SH3TC2: variants seen among roughly 807,000 people sequenced by gnomAD.
The protein encoded by SH3TC2 is SH3 domain and tetratricopeptide repeats 2.
In SH3TC2, 87 loss-of-function variants were observed where a neutral mutation model predicts 124.5. The observed-to-expected ratio is 0.70, with a 90% confidence interval of 0.59 to 0.84. SH3TC2 has a LOEUF of 0.84. SH3TC2 is among the 40% of genes least tolerant of loss of function. The pLI, the probability that SH3TC2 is intolerant of heterozygous loss-of-function variation, is 0.00. For synonymous variants in SH3TC2, 634 were observed against 628.5 expected (o/e 1.01, Z -0.13); for missense variants, 1,536 against 1,566.4 (o/e 0.98, Z 0.33).
At chr5:149,037,035 A>G (rs1754294448) in intron 8 of SH3TC2, among the ~76,000 whole-genome samples, 1 of 152,144 alleles carries the variant, frequency 6.6e-6, no homozygotes, top group Admixed American at 6.5e-5. Flanking sequence ...CCTTGCTCAG[A>G]GACATGCAGT....
chr5:149,035,655 C>T (rs1754271570), intron 8 of SH3TC2: 1 of 152,296 alleles, frequency 6.6e-6, no homozygotes, highest in Non-Finnish European at 1.5e-5. Flanking sequence ...TGCCACCCCT[C>T]CCTGTTTTCT....
chr5:149,061,186 A>G (rs557646791), intron 1 of SH3TC2, among the ~76,000 whole-genome samples: 1 of 152,214 alleles, frequency 6.6e-6, no homozygotes, highest in Non-Finnish European at 1.5e-5. Flanking sequence ...GAATAAAGTA[A>G]TTGAATGATA....
intron 8 of SH3TC2, 134 bp downstream of exon 8, chr5:149,038,161 G>T: frequency 1.4e-6 from 1 of 736,596 alleles, no homozygotes; most frequent in Non-Finnish European, 2.4e-6. Flanking sequence ...TATCAACCTT[G>T]GTGTCAGCAT....
At chr5:149,004,972 G>T in intron 16 of SH3TC2, 70 bp from the exon 17 acceptor site, 1 of 1,567,816 alleles carries the variant, frequency 6.4e-7, no homozygotes, top group South Asian at 1.1e-5. Context: ...CTAGGAGGCT[G>T]TGCTGGCCAC....
Position 148,998,497 on chromosome 5 carries a change from C to G in SH3TC2, c.*6214G>C, listed in dbSNP as rs1753546216. 6.6e-6 allele frequency among the ~76,000 whole-genome samples: 1 copy of G among 152,230 alleles called. No homozygotes were observed. The highest frequency in any genetic ancestry group is 2.4e-5 in the African/African-American group (1 of 41,452). On this transcript the variant is annotated 3_prime_UTR_variant, in exon 17 of 17. Coordinates refer to ENST00000515425, the MANE Select transcript of SH3TC2 (RefSeq NM_024577.4). The stretch of plus-strand genomic sequence containing the variant: ...ATCTCAAAGAGCCTCATCCCTCAAG[C>G]TAGTGTGATGCCCTGGATAAGGAGT...
rs1394768607 is a variant in SH3TC2, at chr5:148,984,949, A to G, written c.*19762T>C. On this transcript the variant is annotated 3_prime_UTR_variant, in exon 17 of 17. Transcript: ENST00000515425. ...GTACCATTTACAAAGTGTATAAAACAGGACAGGAAGTGAATCCTAGGGATG... is the reference window on the plus strand; with the variant it reads ...GTACCATTTACAAAGTGTATAAAACGGGACAGGAAGTGAATCCTAGGGATG... Among the ~76,000 whole-genome samples, 1 of 152,216 alleles carries G rather than the reference A, an allele frequency of 6.6e-6. No homozygotes were observed. Among genetic ancestry groups the G allele is most frequent in the East Asian group, 1.9e-4 (1 of 5,192 alleles).
intron 2 of SH3TC2, among the ~76,000 whole-genome samples, chr5:149,049,081 C>T (rs1239394560): frequency 1.3e-5 from 2 of 152,198 alleles, no homozygotes; most frequent in South Asian, 4.1e-4. Context: ...GGACTTCTAC[C>T]TTTAAAAGGC....
At position 149,044,520 on chromosome 5, in the gene SH3TC2, C is replaced by T; in HGVS notation, c.385+13G>A. The T allele has an allele frequency of 5.6e-6, 9 of 1,607,990 alleles. No individual in the cohort carries two copies. Among genetic ancestry groups the T allele is most frequent in the Non-Finnish European group, 4.3e-6 (5 of 1,174,602 alleles). On this transcript the variant is annotated intron_variant, in intron 4 of 16. Transcript: ENST00000515425. Reference sequence around the variant, plus strand: ...GAGGAGGTCATCCTCCACCTGCTTGCCTTGTACCATACCTAAATTAAGGTA... The same window carrying T: ...GAGGAGGTCATCCTCCACCTGCTTGTCTTGTACCATACCTAAATTAAGGTA...
At chr5:149,010,628 C>A (rs966883767) in intron 13 of SH3TC2, among the ~76,000 whole-genome samples, 3 of 151,822 alleles carry the variant, frequency 2.0e-5, no homozygotes, top group Non-Finnish European at 2.9e-5. Flanking sequence ...TTATTTTTAA[C>A]AGTATATAGA....
intron 2 of SH3TC2, among the ~76,000 whole-genome samples, chr5:149,050,926 TG>T (rs1754545214): frequency 6.6e-6 from 1 of 152,228 alleles, no homozygotes; most frequent in Non-Finnish European, 1.5e-5. Flanking sequence ...GTGTTAACTG[TG>T]TCGTGGTGAA....
chr5:149,036,957 T>G (rs1754292971), intron 8 of SH3TC2, among the ~76,000 whole-genome samples: 1 of 152,150 alleles, frequency 6.6e-6, no homozygotes, highest in South Asian at 2.1e-4. Flanking sequence ...TTCCCCCTGA[T>G]GATGCATGCC....
chr5:149,016,400 A>G (rs550606277), intron 12 of SH3TC2, among the ~76,000 whole-genome samples: 1 of 151,720 alleles, frequency 6.6e-6, no homozygotes, highest in Non-Finnish European at 1.5e-5. Flanking sequence ...TTTAAAAGAC[A>G]TAAGCTATTT....
intron 12 of SH3TC2, chr5:149,025,953 G>A (rs922711450): frequency 6.5e-6 from 1 of 153,188 alleles, no homozygotes; most frequent in Non-Finnish European, 1.5e-5. Flanking sequence ...TTAATGCAAA[G>A]TTGAAATTGT....
chr5:149,014,130 G>C (rs993415695), intron 12 of SH3TC2, among the ~76,000 whole-genome samples: 1 of 152,138 alleles, frequency 6.6e-6, no homozygotes, highest in Non-Finnish European at 1.5e-5. Context: ...CCTAGGACTT[G>C]TCCCATAACA....
Position 149,012,639 on chromosome 5 carries a change from G to A in SH3TC2, c.3149C>T (p.Ala1050Val), listed in dbSNP as rs570067509. The stretch of plus-strand genomic sequence containing the variant: ...CTGCATGAGGTAGTGGAGTCGCCCC[G>A]CCCCAAGCCAGGCCTCAGCAGCCTT... Reference protein sequence around the residue: ...TDKAAEAWLGAGRLHYLMQED... With the variant: ...TDKAAEAWLGVGRLHYLMQED... The change falls in exon 13 of 17, where the codon GCG becomes GTG. Residue 1050 changes from alanine to valine, a missense_variant. Around this residue, in one of 3 missense-constraint regions of SH3TC2, gnomAD observed 426 missense variants for 443.5 expected, o/e 0.96. Transcript: ENST00000515425. 2.4e-5 allele frequency: 39 copies of A among 1,614,106 alleles called. No homozygotes were observed. The highest frequency in any genetic ancestry group is 7.7e-5 in the South Asian group (7 of 91,070).
In SH3TC2 at chr5:149,047,858, T is replaced by C. The variant is rs371909418; in HGVS notation, c.279+4A>G. On this transcript the variant is annotated splice_donor_region_variant and intron_variant, in intron 3 of 16. Transcript: ENST00000515425. ...CAGCATTCACCTGTTTCCTTCATGCTCACCTTAAACAGCATGCGCACCTCC... is the reference window on the plus strand; with the variant it reads ...CAGCATTCACCTGTTTCCTTCATGCCCACCTTAAACAGCATGCGCACCTCC... 9.3e-6 allele frequency: 15 copies of C among 1,613,914 alleles called. 1 individual carries two copies. The African/African-American group carries it at 1.3e-4, about 14-fold the overall frequency.
Position 149,038,502 on chromosome 5 carries a change from A to G in SH3TC2, c.806-12T>C. The G allele has an allele frequency of 6.2e-7, 1 of 1,613,788 alleles. No homozygotes were observed. Among genetic ancestry groups the G allele is most frequent in the Non-Finnish European group, 8.5e-7 (1 of 1,179,736 alleles). ...ACAGCGTCCTCTGCCTGTGGAAAAT[A>G]GCACACAGATCAGCTACAGAAGACA... On this transcript the variant is annotated splice_polypyrimidine_tract_variant and intron_variant, in intron 7 of 16. Coordinates refer to ENST00000515425, the MANE Select transcript of SH3TC2 (RefSeq NM_024577.4).
In SH3TC2 at chr5:149,002,404, T is replaced by C. The variant is rs985358216; in HGVS notation, c.*2307A>G. The C allele has an allele frequency of 6.6e-6, 1 of 152,644 alleles. No homozygotes were observed. The highest frequency in any genetic ancestry group is 2.4e-5 in the African/African-American group (1 of 41,446). The allele number at this position is 152,644 out of a possible 1,614,324, so 9.5% of individuals were successfully genotyped here. A position where few individuals can be genotyped will look rare whatever the true frequency, so the allele number is the denominator to read the frequency against. ...GTGGTGGGGGCAAAACCACATCTATTCTCCATGGTAGTAGATTAGATAACT... is the reference window on the plus strand; with the variant it reads ...GTGGTGGGGGCAAAACCACATCTATCCTCCATGGTAGTAGATTAGATAACT... On this transcript the variant is annotated 3_prime_UTR_variant, in exon 17 of 17. Coordinates refer to ENST00000515425, the MANE Select transcript of SH3TC2 (RefSeq NM_024577.4).
At chr5:149,008,811 C>A in intron 15 of SH3TC2, 40 bp downstream of exon 15, 3 of 1,612,954 alleles carry the variant, frequency 1.9e-6, no homozygotes, top group Non-Finnish European at 2.5e-6. Flanking sequence ...TGACTAATCA[C>A]CCCTCTCATT....
Sources: allele counts gnomAD v4.1 joint callset (sites outside exome capture counted in the v4.1 genomes callset), GRCh38; gene constraint gnomAD v4.1.1; regional missense constraint gnomAD v4.1.1; transcripts MANE v1.5; gene names NCBI Gene and HGNC (gene_info 2026-07-23, HGNC 2026-07-21).